The following PREX2 variants were observed in gnomAD, a reference collection of about 807,000 sequenced individuals.
The protein encoded by PREX2 is phosphatidylinositol-3,4,5-trisphosphate dependent Rac exchange factor 2, also known as phosphatidylinositol 3,4,5-trisphosphate-dependent Rac exchanger 2 protein.
In PREX2, 107 loss-of-function variants were observed where a neutral mutation model predicts 203.2. The observed-to-expected ratio is 0.53, with a 90% CI of 0.45 to 0.62. The LOEUF is 0.62. PREX2 is among the 20% of genes least tolerant of loss of function. The probability of loss-of-function intolerance (pLI) is 0.00; values close to 1 mark genes in which losing one functional copy is unlikely to be tolerated. For synonymous variants in PREX2, 672 were observed against 663.6 expected (o/e 1.01, Z -0.19); for missense variants, 1,777 against 1,955.9 (o/e 0.91, Z 1.72).
chr8:68,054,427 G>C (rs1182559514), intron 9 of PREX2, among the ~76,000 whole-genome samples: 4 of 151,578 alleles, frequency 2.6e-5, no homozygotes, highest in Non-Finnish European at 5.9e-5. Context: ...AACTGCTTAT[G>C]ATCTTTATCT....
chr8:68,109,155 A>G (rs1431425142), intron 24 of PREX2: 12 of 482,300 alleles, frequency 2.5e-5, no homozygotes, highest in Non-Finnish European at 4.5e-5. Flanking sequence ...TATAGTTAAC[A>G]TATTGTATTC....
intron 31 of PREX2, among the ~76,000 whole-genome samples, chr8:68,130,132 A>G (rs1273440294): frequency 6.7e-6 from 1 of 150,006 alleles, no homozygotes; most frequent in Non-Finnish European, 1.5e-5. Flanking sequence ...AAAAAAAAAA[A>G]ATTAAAAATT....
intron 30 of PREX2, among the ~76,000 whole-genome samples, chr8:68,124,515 G>C (rs1016221770): frequency 1.4e-4 from 21 of 151,962 alleles, no homozygotes; most frequent in African/African-American, 5.1e-4. Flanking sequence ...GGAGGGAGAG[G>C]ATCAGAAAAA....
intron 1 of PREX2, among the ~76,000 whole-genome samples, chr8:68,009,289 A>T (rs149084240): frequency 8.7e-4 from 133 of 152,338 alleles, no homozygotes; most frequent in Admixed American, 5.0e-3. Context: ...TTCCTGTGCC[A>T]GAGAAAAATA....
chr8:68,133,384 G>A lies in PREX2; in HGVS notation c.3767-675G>A, dbSNP rs527451754. Among the ~76,000 whole-genome samples the A allele has an allele frequency of 6.1e-4, 93 of 152,242 alleles. 1 individual carries two copies. The highest frequency in any genetic ancestry group is 2.2e-3 in the African/African-American group (90 of 41,546). ...TAACCAAAACTCCAGTCAATTGCAGGATAAGAATCCTGGTAAACATATACA... is the reference window on the plus strand; with the variant it reads ...TAACCAAAACTCCAGTCAATTGCAGAATAAGAATCCTGGTAAACATATACA... On this transcript the variant is annotated intron_variant, in intron 31 of 39. Coordinates refer to ENST00000288368, the MANE Select transcript of PREX2 (RefSeq NM_024870.4).
intron 34 of PREX2, among the ~76,000 whole-genome samples, chr8:68,153,204 G>A (rs916063435): frequency 5.9e-5 from 9 of 152,248 alleles, no homozygotes; most frequent in African/African-American, 1.9e-4. Flanking sequence ...TTCTAGCAGT[G>A]CGTGTGCTGT....
At chr8:68,077,751 T>C (rs775621847) in intron 15 of PREX2, among the ~76,000 whole-genome samples, 2 of 152,218 alleles carry the variant, frequency 1.3e-5, no homozygotes, top group Non-Finnish European at 1.5e-5. Flanking sequence ...TAGAAGTTTT[T>C]CTGTTTTGTC....
intron 35 of PREX2, among the ~76,000 whole-genome samples, chr8:68,180,583 A>G (rs1277888909): frequency 1.3e-5 from 2 of 152,212 alleles, no homozygotes; most frequent in East Asian, 1.9e-4. Context: ...ACAGATGCTT[A>G]TGGGATAGGC....
chr8:67,963,099 C>T (rs1805676559), intron 1 of PREX2, among the ~76,000 whole-genome samples: 1 of 152,096 alleles, frequency 6.6e-6, no homozygotes, highest in Non-Finnish European at 1.5e-5. Flanking sequence ...TTCTCAGCCT[C>T]CCATGCAGAT....
chr8:68,084,507 A>G (rs1809625072), intron 18 of PREX2, among the ~76,000 whole-genome samples: 1 of 152,174 alleles, frequency 6.6e-6, no homozygotes. Flanking sequence ...TAAGAGTCAA[A>G]GTGCAGTGCA....
At chr8:67,955,124 G>A (rs571512961) in intron 1 of PREX2, among the ~76,000 whole-genome samples, 1 of 124,754 alleles carries the variant, frequency 8.0e-6, no homozygotes, top group South Asian at 2.8e-4. Context: ...AGCCTGCCTG[G>A]ATGACAGAGC....
chr8:68,052,868 T>C (rs1410522655), intron 8 of PREX2, among the ~76,000 whole-genome samples: 1 of 152,244 alleles, frequency 6.6e-6, no homozygotes, highest in Non-Finnish European at 1.5e-5. Context: ...TTTCATGTAA[T>C]GTATTAACAC....
chr8:68,038,388 AC>A (rs1382033224), intron 7 of PREX2, 96 bp downstream of exon 7: 4 of 1,291,220 alleles, frequency 3.1e-6, no homozygotes, highest in Non-Finnish European at 4.3e-6. Flanking sequence ...CACAGTTTCT[AC>A]CTTTCTCTCT....
At chr8:67,965,342 G>A (rs1304578328) in intron 1 of PREX2, among the ~76,000 whole-genome samples, 1 of 152,126 alleles carries the variant, frequency 6.6e-6, no homozygotes, top group Non-Finnish European at 1.5e-5. Flanking sequence ...GGATCTCTGT[G>A]TATTTACAGT....
intron 38 of PREX2, chr8:68,220,331 T>G (rs988940184): frequency 6.6e-6 from 1 of 152,208 alleles, no homozygotes; most frequent in Non-Finnish European, 1.5e-5. Flanking sequence ...CCAGCTGATT[T>G]GATTAATAAA....
At chr8:67,989,827 A>G (rs1024790184) in intron 1 of PREX2, among the ~76,000 whole-genome samples, 3 of 152,210 alleles carry the variant, frequency 2.0e-5, no homozygotes, top group Non-Finnish European at 4.4e-5. Context: ...GAAATGTCAC[A>G]TTTCTGTAAA....
chr8:67,956,802 T>G (rs563366818), intron 1 of PREX2, among the ~76,000 whole-genome samples: 5 of 152,376 alleles, frequency 3.3e-5, no homozygotes, highest in Admixed American at 2.6e-4. Flanking sequence ...GTGGGCATAT[T>G]AAAACAATGA....
intron 3 of PREX2, among the ~76,000 whole-genome samples, chr8:68,020,496 A>G (rs1807540410): frequency 6.6e-6 from 1 of 152,152 alleles, no homozygotes; most frequent in Admixed American, 6.5e-5. Context: ...AATTTTGTAT[A>G]TTTTTAATTT....
intron 6 of PREX2, among the ~76,000 whole-genome samples, chr8:68,034,539 A>G (rs896266568): frequency 3.3e-5 from 5 of 152,160 alleles, no homozygotes; most frequent in African/African-American, 1.2e-4. Context: ...TATTACGATA[A>G]AAGATAAGAG....
Sources: allele counts gnomAD v4.1 joint callset (sites outside exome capture counted in the v4.1 genomes callset), GRCh38; gene constraint gnomAD v4.1.1; transcripts MANE v1.5; gene names NCBI Gene and HGNC (gene_info 2026-07-23, HGNC 2026-07-21).